The following CAST variants were observed in gnomAD, a reference collection of about 807,000 sequenced individuals.
CAST encodes MIR583 host.
Under a neutral mutation model 119.6 loss-of-function variants are expected in CAST, and 76 were observed. That is an observed-to-expected ratio of 0.64 (90% CI 0.53 to 0.77). The LOEUF is 0.77. CAST is among the 30% of genes least tolerant of loss of function. The probability of loss-of-function intolerance (pLI) is 0.00; values close to 1 mark genes in which losing one functional copy is unlikely to be tolerated. For synonymous variants in CAST, 319 were observed against 331.6 expected (o/e 0.96, Z 0.41); for missense variants, 953 against 946.5 (o/e 1.01, Z -0.09).
intron 1 of CAST, among the ~76,000 whole-genome samples, chr5:96,599,974 A>AAAAAAAAACAAAAC (rs1554070025): frequency 4.8e-5 from 6 of 125,736 alleles, no homozygotes; most frequent in Middle Eastern, 3.6e-3. Context: ...GGCAAAAAAA[A>AAAAAAAAACAAAAC]AAAAAAAAAC....
At chr5:96,044,286 A>T in the CAST span, among the ~76,000 whole-genome samples, 1 of 152,152 alleles carries the variant, frequency 6.6e-6, no homozygotes, top group African/African-American at 2.4e-5. Context: ...TTGGAAGGTG[A>T]TTAGGTCATA....
the CAST span, among the ~76,000 whole-genome samples, chr5:96,177,046 G>C: frequency 6.6e-6 from 1 of 152,146 alleles, no homozygotes. Context: ...GGTCACACAT[G>C]TGAGTTGAAT....
At chr5:96,432,331 C>G in the CAST span, among the ~76,000 whole-genome samples, 1 of 152,218 alleles carries the variant, frequency 6.6e-6, no homozygotes, top group South Asian at 2.1e-4. Flanking sequence ...GCAGCTGGCA[C>G]TCTTCCAATG....
the CAST span, chr5:96,390,983 T>G: frequency 1.3e-5 from 2 of 152,678 alleles, no homozygotes; most frequent in Non-Finnish European, 2.9e-5. Context: ...AGCACTAGAT[T>G]GGGAATGGAA....
chr5:96,264,818 T>C, the CAST span, among the ~76,000 whole-genome samples: 2 of 152,240 alleles, frequency 1.3e-5, no homozygotes, highest in African/African-American at 4.8e-5. Flanking sequence ...GCTTCTTTCA[T>C]TTGACTCCAT....
At chr5:96,763,756 T>G (rs1217457466) in intron 25 of CAST, among the ~76,000 whole-genome samples, 2 of 152,214 alleles carry the variant, frequency 1.3e-5, no homozygotes, top group African/African-American at 2.4e-5. Flanking sequence ...CAGTGTTACA[T>G]ACACTGAAAG....
chr5:95,985,582 TGG>T, the CAST span, among the ~76,000 whole-genome samples: 1 of 152,212 alleles, frequency 6.6e-6, no homozygotes, highest in Non-Finnish European at 1.5e-5. Context: ...GTTACATAGC[TGG>T]CCCCTGATGG....
At chr5:96,265,582 G>A in the CAST span, among the ~76,000 whole-genome samples, 2 of 152,060 alleles carry the variant, frequency 1.3e-5, no homozygotes, top group Admixed American at 1.3e-4. Context: ...TTCTATTCAG[G>A]CCCTCAATTT....
intron 1 of CAST, among the ~76,000 whole-genome samples, chr5:96,542,790 C>T (rs1315129729): frequency 2.0e-5 from 3 of 152,146 alleles, no homozygotes; most frequent in Admixed American, 6.5e-5. Context: ...CGAAAAAAAG[C>T]TCATTATCAC....
chr5:95,975,718 G>A, the CAST span, among the ~76,000 whole-genome samples: 1 of 152,104 alleles, frequency 6.6e-6, no homozygotes, highest in African/African-American at 2.4e-5. Flanking sequence ...GAAGTTATTA[G>A]TTACACAATT....
At chr5:96,403,649 C>T in the CAST span, among the ~76,000 whole-genome samples, 3 of 152,162 alleles carry the variant, frequency 2.0e-5, no homozygotes, top group East Asian at 1.9e-4. Context: ...AATTAAACAC[C>T]GAATTAAGCA....
At chr5:96,027,475 G>A in the CAST span, among the ~76,000 whole-genome samples, 4 of 151,748 alleles carry the variant, frequency 2.6e-5, no homozygotes, top group African/African-American at 4.8e-5. Context: ...AGAGAATTGT[G>A]GTAGAAATAC....
At chr5:96,009,743 T>C in the CAST span, among the ~76,000 whole-genome samples, 1 of 152,202 alleles carries the variant, frequency 6.6e-6, no homozygotes, top group African/African-American at 2.4e-5. Context: ...TTCTGTAGGT[T>C]ATCTGTTTAC....
At chr5:96,395,264 T>C in the CAST span, among the ~76,000 whole-genome samples, 1 of 152,254 alleles carries the variant, frequency 6.6e-6, no homozygotes, top group South Asian at 2.1e-4. Context: ...AATCTCTATG[T>C]AAGTCTTCTT....
the CAST span, among the ~76,000 whole-genome samples, chr5:96,057,193 A>G: frequency 1.5e-4 from 23 of 152,310 alleles, no homozygotes; most frequent in African/African-American, 2.9e-4. Flanking sequence ...TGTGATTGCT[A>G]TAAGAGTAGG....
At chr5:96,073,202 T>C in the CAST span, among the ~76,000 whole-genome samples, 31 of 152,326 alleles carry the variant, frequency 2.0e-4, no homozygotes, top group East Asian at 4.2e-3. Flanking sequence ...TTTTATTTTA[T>C]ATTTTTAAAG....
chr5:96,262,622 C>A, the CAST span, among the ~76,000 whole-genome samples: 39 of 152,048 alleles, frequency 2.6e-4, no homozygotes, highest in Non-Finnish European at 8.8e-5. Flanking sequence ...CTCTGCCTCC[C>A]GGGTTCATGC....
At chr5:96,186,401 AG>A in the CAST span, among the ~76,000 whole-genome samples, 2 of 152,144 alleles carry the variant, frequency 1.3e-5, no homozygotes, top group African/African-American at 4.8e-5. Context: ...AGGAGTGGTG[AG>A]ACAGGGCATC....
chr5:96,326,853 A>C, the CAST span, among the ~76,000 whole-genome samples: 20 of 152,180 alleles, frequency 1.3e-4, no homozygotes, highest in African/African-American at 4.6e-4. Context: ...ATGATGTTAT[A>C]CTTATTTTAG....
Sources: gnomAD v4.1 joint callset for allele counts (sites outside exome capture counted in the v4.1 genomes callset) on GRCh38, gnomAD v4.1.1 for gene constraint, MANE v1.5 for transcripts, NCBI Gene and HGNC (gene_info 2026-07-23, HGNC 2026-07-21) for gene names.